Variants in ZNF100 observed in about 807,000 individuals in gnomAD.
The protein encoded by ZNF100 is zinc finger protein 100 (Y1).
In ZNF100, 12 loss-of-function variants were observed where a neutral mutation model predicts 15.8. The ratio of observed to expected loss-of-function variants is 0.76; its 90% CI spans 0.49 to 1.23. The LOEUF (loss-of-function observed/expected upper bound fraction) is 1.23, where lower values mean the gene tolerates loss of function less well. Ranked by LOEUF, ZNF100 falls within the 50% of genes most tolerant of loss-of-function variation. ZNF100 has a pLI of 0.00. For missense variants in ZNF100, 670 were observed against 635.6 expected (o/e 1.05, Z -0.58); for synonymous variants, 226 against 214.8 (o/e 1.05, Z -0.45).
At chr19:21,728,334 T>C (rs1271689630) in intron 4 of ZNF100, among the ~76,000 whole-genome samples, 1 of 152,064 alleles carries the variant, frequency 6.6e-6, no homozygotes, top group Non-Finnish European at 1.5e-5. Context: ...ACAAGTAAAA[T>C]ACTGGCACAT....
intron 4 of ZNF100, among the ~76,000 whole-genome samples, chr19:21,735,108 A>T (rs2035984272): frequency 6.6e-6 from 1 of 152,218 alleles, no homozygotes; most frequent in Non-Finnish European, 1.5e-5. Flanking sequence ...ATTGAAGTAC[A>T]AAGACCAATG....
chr19:21,767,316 G>A (rs977343263), intron 1 of ZNF100, 111 bp downstream of exon 1: 9 of 1,578,332 alleles, frequency 5.7e-6, no homozygotes, highest in African/African-American at 5.4e-5. Flanking sequence ...TGGGCAAGGC[G>A]CAGATTGTGA....
intron 2 of ZNF100, among the ~76,000 whole-genome samples, chr19:21,764,433 G>T (rs1056947894): frequency 6.6e-6 from 1 of 152,088 alleles, no homozygotes; most frequent in African/African-American, 2.4e-5. Context: ...CGCGAGGTTA[G>T]GAGTTTGAGA....
chr19:21,751,415 TAC>T lies in ZNF100; in HGVS notation c.97-6350_97-6349del, dbSNP rs2036304647. 120 of 833,650 alleles carry T rather than the reference TAC, an allele frequency of 1.4e-4. 1 individual carries two copies. The South Asian group carries it at 1.5e-3, about 11-fold the overall frequency. The allele number at this position is 833,650 out of a possible 1,614,324, so 51.6% of individuals were successfully genotyped here. A position where few individuals can be genotyped will look rare whatever the true frequency, so the allele number is the denominator to read the frequency against. ...GCATGATCCTGAGCACAAATTTATT[TAC>T]AGATTTGTTCATACTCTTTTTAGTG... On this transcript the variant is annotated intron_variant, in intron 2 of 4. Coordinates refer to ENST00000358296, the MANE Select transcript of ZNF100 (RefSeq NM_173531.4).
chr19:21,756,579 G>C (rs987406791), intron 2 of ZNF100, among the ~76,000 whole-genome samples: 1 of 152,126 alleles, frequency 6.6e-6, no homozygotes, highest in Admixed American at 6.6e-5. Context: ...ACTGCTTAAA[G>C]AAGTGAGAGA....
chr19:21,759,914 G>A (rs1323947489), intron 2 of ZNF100, among the ~76,000 whole-genome samples: 2 of 152,174 alleles, frequency 1.3e-5, no homozygotes, highest in African/African-American at 2.4e-5. Flanking sequence ...CAGGTGCAGT[G>A]GCTCACGCCT....
At chr19:21,745,866 T>C (rs769012702) in intron 2 of ZNF100, among the ~76,000 whole-genome samples, 3 of 152,194 alleles carry the variant, frequency 2.0e-5, no homozygotes, top group East Asian at 1.9e-4. Flanking sequence ...GCCAAAGTTT[T>C]TGGCCCCAAA....
chr19:21,727,979 A>T lies in ZNF100; in HGVS notation c.333T>A (p.Ser111=). 1 of 1,523,258 alleles carries T rather than the reference A, an allele frequency of 6.6e-7. No individual in the cohort carries two copies. The highest frequency in any genetic ancestry group is 8.8e-7 in the Non-Finnish European group (1 of 1,141,998). The allele number at this position is 1,523,258 out of a possible 1,614,324, so 94.4% of individuals were successfully genotyped here. A position where few individuals can be genotyped will look rare whatever the true frequency, so the allele number is the denominator to read the frequency against. Residue 111 remains serine (S), a synonymous_variant, in exon 5 of 5, where the codon TCT becomes TCA. Coordinates refer to ENST00000358296, the MANE Select transcript of ZNF100 (RefSeq NM_173531.4). ...EMVAKPPVIC[S]HFPQDLWAEQ... is the part of the protein sequence containing the mutation. Reference sequence around the variant, plus strand: ...CTGCCCAAAGGTCTTGGGGAAAATGAGAACATATAACTGAAAGAAATAAAA... The same window carrying T: ...CTGCCCAAAGGTCTTGGGGAAAATGTGAACATATAACTGAAAGAAATAAAA...
chr19:21,737,695 G>A (rs918143380), intron 4 of ZNF100, among the ~76,000 whole-genome samples: 4 of 152,062 alleles, frequency 2.6e-5, no homozygotes, highest in African/African-American at 9.7e-5. Flanking sequence ...TTGAATCCCT[G>A]AATAGACCAA....
At position 21,751,120 on chromosome 19, in the gene ZNF100, A is replaced by G. The variant is rs1044089567; in HGVS notation, c.97-6053T>C. 7.7e-6 allele frequency: 11 copies of G among 1,427,126 alleles called. No individual in the cohort carries two copies. The Admixed American group carries it at 1.8e-4, about 24-fold the overall frequency. 88.4% of individuals were successfully genotyped at this position (1,427,126 alleles called of 1,614,324 possible). A position where few individuals can be genotyped will look rare whatever the true frequency, so the allele number is the denominator to read the frequency against. ...TCCAAGGGCAAGCACAAGTTTCCTG[A>G]GCAAATCTCAAACCGATGTGCGAGA... is the stretch of plus-strand genomic sequence containing the variant. On this transcript the variant is annotated intron_variant, in intron 2 of 4. Transcript: ENST00000358296.
At position 21,748,161 on chromosome 19, in the gene ZNF100, A is replaced by T. The variant is rs186402756; in HGVS notation, c.97-3094T>A. 1.4e-3 allele frequency among the ~76,000 whole-genome samples: 212 copies of T among 152,322 alleles called. No homozygotes were observed. The East Asian group carries it at 0.016, about 11-fold the overall frequency. On this transcript the variant is annotated intron_variant, in intron 2 of 4. Coordinates refer to ENST00000358296, the MANE Select transcript of ZNF100 (RefSeq NM_173531.4). Reference sequence around the variant, plus strand: ...AAGCACTGGTTTTAATACAAAATTTAAAAAAATAAGATGTTAAAATGTATA... The same window carrying T: ...AAGCACTGGTTTTAATACAAAATTTTAAAAAATAAGATGTTAAAATGTATA...
chr19:21,727,596 C>T lies in ZNF100; in HGVS notation c.716G>A (p.Gly239Asp). The change falls in exon 5 of 5, where the codon GGC becomes GAC. Residue 239 changes from glycine to aspartate, a missense_variant. By Grantham distance (94) the Gly-to-Asp change is moderately conservative. Transcript: ENST00000358296. Reference sequence around the variant, plus strand: ...GGTTGAGAACCAGTTGAAGGCTTTGCCACAATCTTTACATTGGTAGGAATT... The same window carrying T: ...GGTTGAGAACCAGTTGAAGGCTTTGTCACAATCTTTACATTGGTAGGAATT... ...TENSYQCKDC[G>D]KAFNWFSTLT... 2 of 1,613,020 alleles carry T rather than the reference C, an allele frequency of 1.2e-6. No individual in the cohort carries two copies. The highest frequency in any genetic ancestry group is 1.7e-6 in the Non-Finnish European group (2 of 1,179,548).
In ZNF100 at chr19:21,726,377, A is replaced by G; in HGVS notation, c.*306T>C. 3.2e-6 allele frequency: 1 copy of G among 310,858 alleles called. No individual in the cohort carries two copies. Among genetic ancestry groups the G allele is most frequent in the Non-Finnish European group, 5.9e-6 (1 of 169,636 alleles). The allele number at this position is 310,858 out of a possible 1,614,324, so 19.3% of individuals were successfully genotyped here. ...GTTCACACATGTAGAAGTTTTCTCC[A>G]GTATAACTTACCTTACCTACAATCA... On this transcript the variant is annotated 3_prime_UTR_variant, in exon 5 of 5. Coordinates refer to ENST00000358296, the MANE Select transcript of ZNF100 (RefSeq NM_173531.4).
At chr19:21,746,364 C>G (rs575010841) in intron 2 of ZNF100, among the ~76,000 whole-genome samples, 4 of 152,118 alleles carry the variant, frequency 2.6e-5, no homozygotes, top group African/African-American at 9.6e-5. Context: ...ATCTCTCAAT[C>G]TTTTTTCAGA....
At position 21,726,661 on chromosome 19, in the gene ZNF100, G is replaced by C; in HGVS notation, c.*22C>G. The C allele has an allele frequency of 6.3e-7, 1 of 1,592,914 alleles. No individual in the cohort carries two copies. ...TATGTTTAGTAAGAGTTGAGGACTGGTAAAAGGCTTTGCCACATTTTTCAC... is the reference window on the plus strand; with the variant it reads ...TATGTTTAGTAAGAGTTGAGGACTGCTAAAAGGCTTTGCCACATTTTTCAC... On this transcript the variant is annotated 3_prime_UTR_variant, in exon 5 of 5. Transcript: ENST00000358296.
At chr19:21,737,510 G>A (rs900862096) in intron 4 of ZNF100, among the ~76,000 whole-genome samples, 1 of 151,310 alleles carries the variant, frequency 6.6e-6, no homozygotes, top group African/African-American at 2.4e-5. Flanking sequence ...ACTCCAGCCT[G>A]GGGGACAAGA....
chr19:21,755,280 C>T (rs937927823), intron 2 of ZNF100, among the ~76,000 whole-genome samples: 1 of 151,422 alleles, frequency 6.6e-6, no homozygotes, highest in Non-Finnish European at 1.5e-5. Context: ...GCACTCCAGC[C>T]TGGCCAATGA....
At chr19:21,743,393 C>T (rs2036153850) in intron 4 of ZNF100, among the ~76,000 whole-genome samples, 1 of 152,124 alleles carries the variant, frequency 6.6e-6, no homozygotes, top group Admixed American at 6.6e-5. Flanking sequence ...ATTCCAGTGG[C>T]ATTTTTTTCC....
At chr19:21,743,506 A>G (rs529323803) in intron 4 of ZNF100, among the ~76,000 whole-genome samples, 49 of 152,326 alleles carry the variant, frequency 3.2e-4, no homozygotes, top group African/African-American at 1.1e-3. Flanking sequence ...GGGGTATTAT[A>G]CTTTATAAGT....
Sources: gnomAD v4.1 joint callset for allele counts (sites outside exome capture counted in the v4.1 genomes callset) on GRCh38, gnomAD v4.1.1 for gene constraint, MANE v1.5 for transcripts, NCBI Gene and HGNC (gene_info 2026-07-23, HGNC 2026-07-21) for gene names.